TESPA1: variants seen among roughly 807,000 people sequenced by gnomAD.
TESPA1 encodes thymocyte expressed, positive selection associated 1, also known as protein TESPA1.
TESPA1 carries 33 observed loss-of-function variants against 57.9 expected under a neutral mutation model. The observed-to-expected ratio is 0.57, with a 90% CI of 0.43 to 0.76. TESPA1 has a LOEUF of 0.76. Among genes scored for constraint, TESPA1 ranks in the 30% least tolerant of loss-of-function variants. TESPA1 has a pLI of 0.00. For missense variants in TESPA1, 618 were observed against 632.9 expected (o/e 0.98, Z 0.25); for synonymous variants, 227 against 228.9 (o/e 0.99, Z 0.07).
At chr12:54,977,367 G>A (rs976830890) in intron 1 of TESPA1, among the ~76,000 whole-genome samples, 5 of 152,092 alleles carry the variant, frequency 3.3e-5, no homozygotes, top group African/African-American at 1.2e-4. Context: ...ACAATAAGCT[G>A]GTAACTATGT....
Position 54,964,037 on chromosome 12 carries a change from A to G in TESPA1, c.447-87T>C, listed in dbSNP as rs1396145524. ...TCAGAATATCTAATAAAAGTGTCAG[A>G]AGACTGAAATTCTTTTCTGTCCATT... On this transcript the variant is annotated intron_variant, in intron 7 of 10. Transcript: ENST00000449076. 5 of 1,361,928 alleles carry G rather than the reference A, an allele frequency of 3.7e-6. 1 individual carries two copies. Among genetic ancestry groups the G allele is most frequent in the Middle Eastern group, 1.9e-4 (1 of 5,376 alleles). The allele number at this position is 1,361,928 out of a possible 1,614,324, so 84.4% of individuals were successfully genotyped here. A position where few individuals can be genotyped will look rare whatever the true frequency, so the allele number is the denominator to read the frequency against.
At chr12:54,967,311 A>G in intron 4 of TESPA1, 75 bp from the exon 5 acceptor site, 1 of 1,498,546 alleles carries the variant, frequency 6.7e-7, no homozygotes. Context: ...ACCCCTGCAT[A>G]CACGAACATC....
intron 1 of TESPA1, among the ~76,000 whole-genome samples, chr12:54,979,941 G>T (rs1393205672): frequency 6.6e-6 from 1 of 152,090 alleles, no homozygotes; most frequent in Non-Finnish European, 1.5e-5. Context: ...CCTGTAAACT[G>T]CTTAACTTAA....
chr12:54,972,282 T>A (rs775118466), intron 3 of TESPA1, among the ~76,000 whole-genome samples: 3 of 152,228 alleles, frequency 2.0e-5, no homozygotes, highest in Non-Finnish European at 2.9e-5. Context: ...TAGAACGAAA[T>A]ATGTTCTAAG....
chr12:54,962,556 T>C lies in TESPA1; in HGVS notation c.1342A>G (p.Met448Val). The C allele has an allele frequency of 6.2e-7, 1 of 1,612,340 alleles. No individual in the cohort carries two copies. Among genetic ancestry groups the C allele is most frequent in the Non-Finnish European group, 8.5e-7 (1 of 1,178,436 alleles). ...TCCAAGGACTTAACCTTCCTGCCCATGAGATTCTTCTGGAAGAGGCTCTTT... is the reference window on the plus strand; with the variant it reads ...TCCAAGGACTTAACCTTCCTGCCCACGAGATTCTTCTGGAAGAGGCTCTTT... ...ARKSLFQKNLMGRKVKSLDLS... is the reference protein window; with the variant it reads ...ARKSLFQKNLVGRKVKSLDLS... Residue 448 changes from methionine (M) to valine (V), a missense_variant, in exon 9 of 11, where the codon ATG becomes GTG. Physicochemically the swap from Met to Val is conservative, Grantham distance 21 (BLOSUM62 1). Coordinates refer to ENST00000449076, the MANE Select transcript of TESPA1 (RefSeq NM_001136030.3).
At chr12:54,961,522 T>G (rs908209995) in intron 9 of TESPA1, among the ~76,000 whole-genome samples, 1 of 152,158 alleles carries the variant, frequency 6.6e-6, no homozygotes, top group Non-Finnish European at 1.5e-5. Flanking sequence ...TAAAAGCTTT[T>G]TAAAGAGATC....
At chr12:54,981,535 C>T (rs1285848669) in intron 1 of TESPA1, among the ~76,000 whole-genome samples, 1 of 151,540 alleles carries the variant, frequency 6.6e-6, no homozygotes, top group Non-Finnish European at 1.5e-5. Flanking sequence ...CAAACCTGCA[C>T]ATTGTGCACG....
At position 54,950,135 on chromosome 12, in the gene TESPA1, G is replaced by T. The variant is rs1240076232; in HGVS notation, c.*257C>A. On this transcript the variant is annotated 3_prime_UTR_variant, in exon 11 of 11. Transcript: ENST00000449076. ...CATAGTAGAGAAACCAGTGTACAGAGAAATGAAGAGATGTGCCTAAGGTCT... is the reference window on the plus strand; with the variant it reads ...CATAGTAGAGAAACCAGTGTACAGATAAATGAAGAGATGTGCCTAAGGTCT... The T allele has an allele frequency of 2.1e-5, 8 of 388,288 alleles. No homozygotes were observed. Among genetic ancestry groups the T allele is most frequent in the Non-Finnish European group, 4.1e-5 (8 of 195,456 alleles). The allele number at this position is 388,288 out of a possible 1,614,324, so 24.1% of individuals were successfully genotyped here.
At position 54,963,015 on chromosome 12, in the gene TESPA1, A is replaced by C; in HGVS notation, c.883T>G (p.Cys295Gly). 6.2e-7 allele frequency: 1 copy of C among 1,613,678 alleles called. No individual in the cohort carries two copies. The highest frequency in any genetic ancestry group is 8.5e-7 in the Non-Finnish European group (1 of 1,179,822). ...GGTGGTGGTGGCCGGTCTCGGGGGC[A>C]TGTGTACAGACACATCTTGGAGATG... ...KAISKMCLYT[C>G]PRDRPPPPHN... Residue 295 changes from cysteine (C) to glycine (G), a missense_variant, in exon 9 of 11, where the codon TGC (cysteine) becomes GGC (glycine). Around this residue, in one of 3 missense-constraint regions of TESPA1, gnomAD observed 409 missense variants for 420.1 expected, o/e 0.97. Transcript: ENST00000449076.
At chr12:54,972,837 T>C (rs1951919368) in intron 3 of TESPA1, among the ~76,000 whole-genome samples, 1 of 152,164 alleles carries the variant, frequency 6.6e-6, no homozygotes. Flanking sequence ...AGGCAGAAGT[T>C]GTCCATTCTG....
chr12:54,960,512 A>G (rs146096594), intron 10 of TESPA1, among the ~76,000 whole-genome samples: 72 of 152,330 alleles, frequency 4.7e-4, no homozygotes, highest in African/African-American at 1.7e-3. Context: ...TCTGAGTTCA[A>G]TGATGTGGGC....
At chr12:54,968,158 C>T (rs927689103) in intron 3 of TESPA1, 4 of 660,240 alleles carry the variant, frequency 6.1e-6, no homozygotes, top group South Asian at 2.0e-5. Context: ...CGAAAGTCAA[C>T]TTAACAATGA....
At chr12:54,973,353 C>A (rs1218952467) in intron 3 of TESPA1, 124 bp downstream of exon 3, 12 of 1,408,714 alleles carry the variant, frequency 8.5e-6, no homozygotes, top group East Asian at 6.9e-5. Flanking sequence ...ACCATCTCAA[C>A]CTTACTTCTA....
rs759584513 is a variant in TESPA1, at chr12:54,962,694, A to G, written c.1204T>C (p.Trp402Arg). The G allele has an allele frequency of 6.2e-7, 1 of 1,613,906 alleles. No homozygotes were observed. Among genetic ancestry groups the G allele is most frequent in the Non-Finnish European group, 8.5e-7 (1 of 1,179,876 alleles). The part of the protein sequence containing the change: ...THSLPIEDPQ[W>R]STDPAQIRRE... ...CTTATCTGAGCTGGGTCTGTGCTCCACTGTGGATCTTCTATGGGCAGAGAA... is the reference window on the plus strand; with the variant it reads ...CTTATCTGAGCTGGGTCTGTGCTCCGCTGTGGATCTTCTATGGGCAGAGAA... Residue 402 changes from tryptophan (W) to arginine (R), a missense_variant, in exon 9 of 11, where the codon TGG becomes CGG. Trp to Arg is a moderately radical substitution (Grantham distance 101). This residue lies in a region of TESPA1 where 409 missense variants were observed against 420.1 expected (regional missense o/e 0.97). Coordinates refer to ENST00000449076, the MANE Select transcript of TESPA1 (RefSeq NM_001136030.3).
In TESPA1 at chr12:54,963,852, G is replaced by T; in HGVS notation, c.545C>A (p.Pro182His). 2 of 1,613,984 alleles carry T rather than the reference G, an allele frequency of 1.2e-6. No individual in the cohort carries two copies. The highest frequency in any genetic ancestry group is 8.5e-7 in the Non-Finnish European group (1 of 1,179,874). Residue 182 changes from proline (P) to histidine (H), a missense_variant, in exon 8 of 11, where the codon CCC (proline) becomes CAC (histidine). Around this residue, in one of 3 missense-constraint regions of TESPA1, gnomAD observed 409 missense variants for 420.1 expected, o/e 0.97. Coordinates refer to ENST00000449076, the MANE Select transcript of TESPA1 (RefSeq NM_001136030.3). ...AGAGGGGGTGGTGAAAAATCGGGCGGGTATCCGAGAAGTGTCTTTGTGATC... is the reference window on the plus strand; with the variant it reads ...AGAGGGGGTGGTGAAAAATCGGGCGTGTATCCGAGAAGTGTCTTTGTGATC... ...QEDHKDTSRIPARFFTTPSQA... is the reference protein window; with the variant it reads ...QEDHKDTSRIHARFFTTPSQA...
chr12:54,977,752 G>C (rs1437308046), intron 1 of TESPA1, among the ~76,000 whole-genome samples: 1 of 152,208 alleles, frequency 6.6e-6, no homozygotes, highest in East Asian at 1.9e-4. Flanking sequence ...AAAAGTAATA[G>C]TGATCTCAAG....
At chr12:54,967,975 C>A in intron 3 of TESPA1, 83 bp from the exon 4 acceptor site, 1 of 1,597,692 alleles carries the variant, frequency 6.3e-7, no homozygotes, top group South Asian at 1.1e-5. Flanking sequence ...CACACATATT[C>A]ATATTCTTTT....
intron 3 of TESPA1, among the ~76,000 whole-genome samples, chr12:54,973,180 G>C (rs527465540): frequency 6.6e-6 from 1 of 152,246 alleles, no homozygotes; most frequent in East Asian, 1.9e-4. Context: ...AGGGGAGTAG[G>C]GGTCTGGAAC....
chr12:54,966,275 A>C (rs1951426759), intron 6 of TESPA1, 113 bp downstream of exon 6: 1 of 1,583,392 alleles, frequency 6.3e-7, no homozygotes, highest in Admixed American at 1.7e-5. Context: ...TTCGTTGGAA[A>C]GTCTCACTCT....
Sources: gnomAD v4.1 joint callset for allele counts (sites outside exome capture counted in the v4.1 genomes callset) on GRCh38, gnomAD v4.1.1 for gene constraint, gnomAD v4.1.1 regional missense constraint, MANE v1.5 for transcripts, NCBI Gene and HGNC (gene_info 2026-07-23, HGNC 2026-07-21) for gene names.